Variants in NCK2 observed in about 807,000 individuals in gnomAD.
NCK2 encodes the protein NCK adaptor protein 2, also known as cytoplasmic protein NCK2.
Under a neutral mutation model 33.9 loss-of-function variants are expected in NCK2, and 16 were observed. That is an observed-to-expected ratio of 0.47 (90% CI 0.32 to 0.72). The LOEUF is 0.72. Ranked by LOEUF, NCK2 falls within the 30% of genes least tolerant of loss-of-function variation. NCK2 has a pLI of 0.03. For missense variants in NCK2, 418 were observed against 537.3 expected (o/e 0.78, Z 2.19); for synonymous variants, 273 against 239.9 (o/e 1.14, Z -1.27).
intron 4 of NCK2, among the ~76,000 whole-genome samples, chr2:105,888,678 A>G (rs1314065625): frequency 1.3e-5 from 2 of 152,148 alleles, no homozygotes; most frequent in African/African-American, 2.4e-5. Flanking sequence ...AATGACCAAG[A>G]TGTGGCAGAA....
At chr2:105,746,952 A>G (rs931244360) in intron 1 of NCK2, among the ~76,000 whole-genome samples, 5 of 152,212 alleles carry the variant, frequency 3.3e-5, no homozygotes, top group Admixed American at 3.3e-4. Flanking sequence ...TTCCTGCTTC[A>G]TAAACATTCA....
intron 3 of NCK2, among the ~76,000 whole-genome samples, chr2:105,860,271 G>T (rs989610448): frequency 6.6e-6 from 1 of 152,172 alleles, no homozygotes; most frequent in Non-Finnish European, 1.5e-5. Flanking sequence ...GGGCCACAGA[G>T]TGAGACCCTG....
intron 2 of NCK2, among the ~76,000 whole-genome samples, chr2:105,825,475 C>T (rs1254135037): frequency 1.3e-5 from 2 of 152,186 alleles, no homozygotes; most frequent in East Asian, 1.9e-4. Flanking sequence ...TAGGAAGCAG[C>T]ACTGGGCACT....
intron 1 of NCK2, among the ~76,000 whole-genome samples, chr2:105,781,775 C>G (rs4851867): frequency 6.6e-6 from 1 of 152,004 alleles, no homozygotes; most frequent in Non-Finnish European, 1.5e-5. Flanking sequence ...CTCCGCAGTA[C>G]GAAAATTTGT....
intron 1 of NCK2, among the ~76,000 whole-genome samples, chr2:105,749,836 T>C (rs981196381): frequency 2.0e-5 from 3 of 152,072 alleles, no homozygotes; most frequent in African/African-American, 4.8e-5. Flanking sequence ...TCCTGTTTAG[T>C]GCGTGTATTA....
intron 1 of NCK2, among the ~76,000 whole-genome samples, chr2:105,762,031 C>A (rs4851844): frequency 0.34 from 51,789 of 152,108 alleles, 9,285 homozygotes; most frequent in East Asian, 0.48. Flanking sequence ...GCGTTGACTA[C>A]AGTTGCAAGT....
chr2:105,859,388 C>T (rs749917160), intron 3 of NCK2, among the ~76,000 whole-genome samples: 17 of 152,134 alleles, frequency 1.1e-4, no homozygotes, highest in Non-Finnish European at 2.2e-4. Flanking sequence ...CACCCTGCCA[C>T]CCTACCTACC....
At chr2:105,877,870 C>G (rs535437423) in intron 3 of NCK2, among the ~76,000 whole-genome samples, 1 of 152,314 alleles carries the variant, frequency 6.6e-6, no homozygotes, top group South Asian at 2.1e-4. Context: ...CTCCTGTAGC[C>G]TCAGTTTCCT....
rs181614801 is a variant in NCK2, at chr2:105,804,533, G to A, written c.-200-11897G>A. ...TCTTTGGGGATATTCAGACAGAAAT[G>A]GCTTAATTGGATTTCAGCCCAGACA... On this transcript the variant is annotated intron_variant, in intron 1 of 4. Coordinates refer to ENST00000233154, the MANE Select transcript of NCK2 (RefSeq NM_003581.5). Among the ~76,000 whole-genome samples, 578 of 152,298 alleles carry A rather than the reference G, an allele frequency of 3.8e-3. 8 individuals carry two copies. Among genetic ancestry groups the A allele is most frequent in the South Asian group, 2.5e-3 (12 of 4,828 alleles).
intron 1 of NCK2, among the ~76,000 whole-genome samples, chr2:105,757,030 C>G (rs1689619495): frequency 1.3e-5 from 2 of 152,148 alleles, no homozygotes; most frequent in African/African-American, 2.4e-5. Flanking sequence ...GTCTTGAACT[C>G]CTGACCTCGG....
At chr2:105,788,836 TG>T (rs1690774161) in intron 1 of NCK2, among the ~76,000 whole-genome samples, 1 of 152,208 alleles carries the variant, frequency 6.6e-6, no homozygotes, top group Admixed American at 6.5e-5. Context: ...AAAAGCTATC[TG>T]TGTTAATTCT....
intron 2 of NCK2, among the ~76,000 whole-genome samples, chr2:105,841,043 T>C (rs547837099): frequency 6.6e-6 from 1 of 152,310 alleles, no homozygotes; most frequent in Non-Finnish European, 1.5e-5. Flanking sequence ...ACACTGATAG[T>C]GTGGATTACA....
chr2:105,831,410 C>CTTT (rs56247904), intron 2 of NCK2, among the ~76,000 whole-genome samples: 117 of 144,886 alleles, frequency 8.1e-4, no homozygotes, highest in Middle Eastern at 3.6e-3. Context: ...AGCATGATAT[C>CTTT]TTTTTTTTTT....
intron 1 of NCK2, among the ~76,000 whole-genome samples, chr2:105,799,950 G>A (rs576266048): frequency 6.6e-6 from 1 of 152,256 alleles, no homozygotes; most frequent in South Asian, 2.1e-4. Context: ...TGCAAAGTTT[G>A]TAAGAATCCC....
chr2:105,806,148 G>C (rs1427878325), intron 1 of NCK2, among the ~76,000 whole-genome samples: 1 of 151,170 alleles, frequency 6.6e-6, no homozygotes, highest in Non-Finnish European at 1.5e-5. Flanking sequence ...TTTGTATTTT[G>C]TATTTTTAGA....
intron 1 of NCK2, among the ~76,000 whole-genome samples, chr2:105,750,071 AC>A (rs1353834741): frequency 3.0e-5 from 2 of 65,908 alleles, no homozygotes; most frequent in Admixed American, 1.5e-4. Flanking sequence ...CACACACAAA[AC>A]AACAACAACA....
chr2:105,865,304 G>T (rs1240872394), intron 3 of NCK2, among the ~76,000 whole-genome samples: 1 of 152,148 alleles, frequency 6.6e-6, no homozygotes, highest in African/African-American at 2.4e-5. Flanking sequence ...AATCATAATA[G>T]CCTCATTTTG....
At chr2:105,843,190 CA>C (rs1676715945) in intron 2 of NCK2, among the ~76,000 whole-genome samples, 1 of 151,996 alleles carries the variant, frequency 6.6e-6, no homozygotes, top group African/African-American at 2.4e-5. Flanking sequence ...ATTTATGTTT[CA>C]TATATACCTT....
At chr2:105,888,282 T>G (rs1678799427) in intron 4 of NCK2, among the ~76,000 whole-genome samples, 1 of 152,172 alleles carries the variant, frequency 6.6e-6, no homozygotes, top group Admixed American at 6.5e-5. Context: ...AAATCATTCC[T>G]TATAAGGAGT....
Sources: allele counts gnomAD v4.1 joint callset (sites outside exome capture counted in the v4.1 genomes callset), GRCh38; gene constraint gnomAD v4.1.1; transcripts MANE v1.5; gene names NCBI Gene and HGNC (gene_info 2026-07-23, HGNC 2026-07-21).